Variants in IPO7 observed in about 807,000 individuals in gnomAD.
IPO7 encodes the protein importin-7.
Under a neutral mutation model 136.4 loss-of-function variants are expected in IPO7, and 13 were observed. The ratio of observed to expected loss-of-function variants is 0.10; its 90% CI spans 0.06 to 0.15. IPO7 has a LOEUF of 0.15. Among genes scored for constraint, IPO7 ranks in the 10% least tolerant of loss-of-function variants. IPO7 has a pLI of 1.00. For missense variants in IPO7, 857 were observed against 1,240.6 expected (o/e 0.69, Z 4.65); for synonymous variants, 403 against 404.4 (o/e 1.00, Z 0.04).
At chr11:9,403,649 G>T in intron 2 of IPO7, 1 of 333,686 alleles carries the variant, frequency 3.0e-6, no homozygotes, top group Non-Finnish European at 5.4e-6. Context: ...TTCCCTGATG[G>T]GTGATTATAA....
rs940912062 is a variant in IPO7, at chr11:9,447,765, A to G, written c.*2571A>G. The stretch of plus-strand genomic sequence containing the variant: ...ATGTAAGCTTTCTTTTTTTTTCTTG[A>G]AAAAGCCTTTCTATTTATCAGTATT... On this transcript the variant is annotated 3_prime_UTR_variant, in exon 25 of 25. Transcript: ENST00000379719. 1 of 151,752 alleles carries G rather than the reference A, an allele frequency of 6.6e-6. No homozygotes were observed. The highest frequency in any genetic ancestry group is 1.5e-5 in the Non-Finnish European group (1 of 67,962). The allele number at this position is 151,752 out of a possible 1,614,324, so 9.4% of individuals were successfully genotyped here.
rs1855049311 is a variant in IPO7 at position 9,416,917 on chromosome 11, C to T, written c.637-142C>T. ...ACTCACTGTTTACCATTATAGATAACAAGCAAAGAAGTTTGCCTATGTACT... is the reference window on the plus strand; with the variant it reads ...ACTCACTGTTTACCATTATAGATAATAAGCAAAGAAGTTTGCCTATGTACT... On this transcript the variant is annotated intron_variant, in intron 5 of 24. Transcript: ENST00000379719. 3 of 451,612 alleles carry T rather than the reference C, an allele frequency of 6.6e-6. No individual in the cohort carries two copies. In the East Asian group the frequency reaches 1.1e-4, roughly 16 times the overall value. 28.0% of individuals were successfully genotyped at this position (451,612 alleles called of 1,614,324 possible). A position where few individuals can be genotyped will look rare whatever the true frequency, so the allele number is the denominator to read the frequency against.
rs1371957927 is a variant in IPO7 at position 9,415,402 on chromosome 11, A to G, written c.636+991A>G. 4.6e-5 allele frequency among the ~76,000 whole-genome samples: 7 copies of G among 152,332 alleles called. No individual in the cohort carries two copies. The East Asian group carries it at 1.4e-3, about 29-fold the overall frequency. ...GTCTAACACATACTTGATATGCAAAATATACATAGATTGTCTCAGTACAAA... is the reference window on the plus strand; with the variant it reads ...GTCTAACACATACTTGATATGCAAAGTATACATAGATTGTCTCAGTACAAA... On this transcript the variant is annotated intron_variant, in intron 5 of 24. Transcript: ENST00000379719.
At chr11:9,395,976 G>A (rs1854702589) in intron 1 of IPO7, among the ~76,000 whole-genome samples, 1 of 151,956 alleles carries the variant, frequency 6.6e-6, no homozygotes, top group African/African-American at 2.4e-5. Flanking sequence ...ACCCGTCTCA[G>A]CCTCCCAGAG....
intron 4 of IPO7, among the ~76,000 whole-genome samples, chr11:9,411,989 T>C (rs941754726): frequency 6.6e-6 from 1 of 152,208 alleles, no homozygotes; most frequent in Non-Finnish European, 1.5e-5. Flanking sequence ...TAGTTCTCAC[T>C]TTTAGTGTTT....
intron 6 of IPO7, among the ~76,000 whole-genome samples, chr11:9,417,660 A>G (rs1855060000): frequency 6.6e-6 from 1 of 151,658 alleles, no homozygotes; most frequent in Non-Finnish European, 1.5e-5. Context: ...TTATTTGTAT[A>G]ATCAAACTTT....
intron 12 of IPO7, among the ~76,000 whole-genome samples, chr11:9,427,620 A>G (rs1652048878): frequency 6.6e-6 from 1 of 152,230 alleles, no homozygotes; most frequent in South Asian, 2.1e-4. Flanking sequence ...AGTATGTATT[A>G]AAGACATTCT....
chr11:9,442,976 T>TA (rs1855479109), intron 24 of IPO7, among the ~76,000 whole-genome samples: 1 of 151,776 alleles, frequency 6.6e-6, no homozygotes, highest in Non-Finnish European at 1.5e-5. Flanking sequence ...TGAGTTGAGA[T>TA]TGCACTACTG....
intron 13 of IPO7, 175 bp downstream of exon 13, chr11:9,428,804 C>G (rs1855249504): frequency 2.6e-6 from 2 of 782,598 alleles, no homozygotes. Flanking sequence ...TCATCTGTGT[C>G]TGGTAGCAGT....
At chr11:9,425,413 C>T in intron 12 of IPO7, 151 bp downstream of exon 12, 1 of 615,310 alleles carries the variant, frequency 1.6e-6, no homozygotes, top group Non-Finnish European at 2.9e-6. Context: ...TTGAGAACAG[C>T]CTGGGCAACA....
intron 22 of IPO7, among the ~76,000 whole-genome samples, chr11:9,439,353 T>G (rs1855428277): frequency 2.0e-5 from 3 of 152,106 alleles, no homozygotes; most frequent in Non-Finnish European, 2.9e-5. Flanking sequence ...TGACCTCAGA[T>G]GATCCACCCT....
At chr11:9,409,009 G>A (rs1854929807) in intron 3 of IPO7, among the ~76,000 whole-genome samples, 1 of 151,788 alleles carries the variant, frequency 6.6e-6, no homozygotes, top group Non-Finnish European at 1.5e-5. Context: ...ACTGCACCCG[G>A]CTTTTCTGGG....
intron 22 of IPO7, 42 bp downstream of exon 22, chr11:9,438,327 AGAAAT>A: frequency 7.9e-7 from 1 of 1,265,440 alleles, no homozygotes; most frequent in Non-Finnish European, 1.1e-6. Flanking sequence ...TTATCTACTT[AGAAAT>A]ATTACCGCAC....
At chr11:9,423,592 G>T (rs1002569771) in intron 9 of IPO7, among the ~76,000 whole-genome samples, 185 bp from the exon 10 acceptor site, 29 of 152,078 alleles carry the variant, frequency 1.9e-4, no homozygotes, top group Non-Finnish European at 3.5e-4. Context: ...AAAGTTACTT[G>T]TTACAGAAAG....
chr11:9,415,321 T>G (rs1389596471), intron 5 of IPO7, among the ~76,000 whole-genome samples: 2 of 146,884 alleles, frequency 1.4e-5, no homozygotes, highest in South Asian at 2.1e-4. Context: ...AAACTCTGTC[T>G]CAAAAAAAAA....
intron 1 of IPO7, among the ~76,000 whole-genome samples, chr11:9,402,011 T>A (rs559690293): frequency 1.3e-5 from 2 of 152,312 alleles, no homozygotes; most frequent in South Asian, 4.1e-4. Flanking sequence ...GTCTGGCCAT[T>A]TAATGAAATG....
intron 1 of IPO7, among the ~76,000 whole-genome samples, chr11:9,388,113 C>G (rs1425609101): frequency 6.6e-6 from 1 of 151,898 alleles, no homozygotes; most frequent in Non-Finnish European, 1.5e-5. Context: ...TACCATTGCA[C>G]TCCAGCCTGA....
Position 9,447,685 on chromosome 11 carries a change from G to C in IPO7, c.*2491G>C, listed in dbSNP as rs897380477. 1 of 151,720 alleles carries C rather than the reference G, an allele frequency of 6.6e-6. No homozygotes were observed. The highest frequency in any genetic ancestry group is 1.9e-4 in the East Asian group (1 of 5,182). 9.4% of individuals were successfully genotyped at this position (151,720 alleles called of 1,614,324 possible). ...TAGAAGTTAATTCTGATTTTGTGTG[G>C]ATTTCAGTATTTGTCTTTGTTAATG... On this transcript the variant is annotated 3_prime_UTR_variant, in exon 25 of 25. Coordinates refer to ENST00000379719, the MANE Select transcript of IPO7 (RefSeq NM_006391.3).
At chr11:9,420,294 C>CAAA (rs34703286) in intron 6 of IPO7, 117 bp from the exon 7 acceptor site, 624 of 515,584 alleles carry the variant, frequency 1.2e-3, no homozygotes, top group South Asian at 2.3e-3. Flanking sequence ...GACTCCATCT[C>CAAA]AAAAAAAAAA....
Sources: gnomAD v4.1 joint callset for allele counts (sites outside exome capture counted in the v4.1 genomes callset) on GRCh38, gnomAD v4.1.1 for gene constraint, MANE v1.5 for transcripts, NCBI Gene and HGNC (gene_info 2026-07-23, HGNC 2026-07-21) for gene names.